The following PPP1R16B variants were observed in gnomAD, a reference collection of about 807,000 sequenced individuals.
PPP1R16B encodes the protein protein phosphatase 1 regulatory subunit 16B, also known as protein phosphatase 1 regulatory inhibitor subunit 16B.
In PPP1R16B, 14 loss-of-function variants were observed where a neutral mutation model predicts 61.7. The ratio of observed to expected loss-of-function variants is 0.23; its 90% CI spans 0.15 to 0.35. The LOEUF is 0.35. Among genes scored for constraint, PPP1R16B ranks in the 10% least tolerant of loss-of-function variants. PPP1R16B has a pLI of 1.00. For missense variants in PPP1R16B, 547 were observed against 752.5 expected, an observed-to-expected ratio of 0.73 and a Z score of 3.19; for synonymous variants, 266 against 305.3, an observed-to-expected ratio of 0.87 and a Z score of 1.34.
chr20:38,857,121 G>A (rs555094094), intron 2 of PPP1R16B, among the ~76,000 whole-genome samples: 8 of 152,282 alleles, frequency 5.3e-5, no homozygotes, highest in Admixed American at 1.3e-4. Flanking sequence ...TCCCCAGGGT[G>A]CACCCACCAC....
chr20:38,911,684 G>A (rs371342511), intron 10 of PPP1R16B, among the ~76,000 whole-genome samples: 15 of 151,536 alleles, frequency 9.9e-5, no homozygotes, highest in Admixed American at 9.8e-4. Context: ...TTACAGGTGC[G>A]TGCCACCACG....
intron 2 of PPP1R16B, among the ~76,000 whole-genome samples, chr20:38,875,757 A>G (rs1029438184): frequency 2.0e-5 from 3 of 151,110 alleles, no homozygotes; most frequent in Non-Finnish European, 4.4e-5. Flanking sequence ...CCGGGGGTAG[A>G]GACAGTGGGG....
intron 1 of PPP1R16B, among the ~76,000 whole-genome samples, chr20:38,817,950 A>T (rs2084749571): frequency 6.6e-6 from 1 of 152,218 alleles, no homozygotes; most frequent in African/African-American, 2.4e-5. Context: ...AGGCTGAGGC[A>T]GGAGAAAGGC....
At position 38,908,142 on chromosome 20, in the gene PPP1R16B, C is replaced by T. The variant is rs2085461296; in HGVS notation, c.1143C>T (p.Thr381=). 1 of 1,614,120 alleles carries T rather than the reference C, an allele frequency of 6.2e-7. No homozygotes were observed. The highest frequency in any genetic ancestry group is 8.5e-7 in the Non-Finnish European group (1 of 1,180,052). The part of the protein sequence containing the change: ...RSAAEDQRTS[T]YNGDIRETRT... ...CAGCTGAGGATCAGCGGACCTCCAC[C>T]TACAACGGGGACATCAGGGAGACCA... The change falls in exon 10 of 11, where the codon ACC becomes ACT. Residue 381 remains threonine (T), a synonymous_variant. Coordinates refer to ENST00000299824, the MANE Select transcript of PPP1R16B (RefSeq NM_015568.4).
intron 1 of PPP1R16B, among the ~76,000 whole-genome samples, chr20:38,813,653 AC>A (rs1200238219): frequency 6.6e-6 from 1 of 151,938 alleles, no homozygotes; most frequent in Non-Finnish European, 1.5e-5. Context: ...AGGGACGGGC[AC>A]CTTTTTCTTA....
chr20:38,891,339 G>T (rs948160625), intron 3 of PPP1R16B, among the ~76,000 whole-genome samples: 1 of 152,168 alleles, frequency 6.6e-6, no homozygotes, highest in African/African-American at 2.4e-5. Context: ...TCATTGGGTG[G>T]TTGTGAGGAT....
chr20:38,843,117 T>A (rs1168667551), intron 2 of PPP1R16B, among the ~76,000 whole-genome samples: 1 of 152,254 alleles, frequency 6.6e-6, no homozygotes, highest in Non-Finnish European at 1.5e-5. Flanking sequence ...ACCTGAGAAC[T>A]CCTAAAAGCT....
At chr20:38,865,088 G>C (rs1601270102) in intron 2 of PPP1R16B, among the ~76,000 whole-genome samples, 1 of 152,084 alleles carries the variant, frequency 6.6e-6, no homozygotes, top group East Asian at 1.9e-4. Context: ...TTTCTGGTTT[G>C]GAGTATGAGG....
Position 38,907,348 on chromosome 20 carries a change from T to C in PPP1R16B, c.898+294T>C, listed in dbSNP as rs919099624. Among the ~76,000 whole-genome samples, 2 of 149,724 alleles carry C rather than the reference T, an allele frequency of 1.3e-5. No homozygotes were observed. The highest frequency in any genetic ancestry group is 3.0e-5 in the Non-Finnish European group (2 of 67,408). ...ATGGATGGATGGATGGATGGATGGA[T>C]AGACAGAAAAATAAGTGGATGAGTG... On this transcript the variant is annotated intron_variant, in intron 8 of 10. Coordinates refer to ENST00000299824, the MANE Select transcript of PPP1R16B (RefSeq NM_015568.4). The surrounding 1 kb of genome is among the most constrained non-coding windows in gnomAD (Gnocchi z 4.5).
At chr20:38,868,534 G>T (rs1420090276) in intron 2 of PPP1R16B, among the ~76,000 whole-genome samples, 3 of 151,986 alleles carry the variant, frequency 2.0e-5, no homozygotes, top group Non-Finnish European at 4.4e-5. Flanking sequence ...ACAGGCACAT[G>T]CCACCTCGCC....
chr20:38,890,035 G>C (rs2085281065), intron 3 of PPP1R16B, among the ~76,000 whole-genome samples: 1 of 152,232 alleles, frequency 6.6e-6, no homozygotes, highest in South Asian at 2.1e-4. Flanking sequence ...CAGTTGGCGG[G>C]ACTTATGTGA....
In PPP1R16B at chr20:38,918,525, C is replaced by T. The variant is rs771181162; in HGVS notation, c.1563C>T (p.Ile521=). 3.5e-5 allele frequency: 56 copies of T among 1,593,558 alleles called. No homozygotes were observed. Among genetic ancestry groups the T allele is most frequent in the East Asian group, 1.3e-4 (6 of 44,650 alleles). ...GCAGTGAAGGCAAGGCCCCCTTGAT[C>T]GGAGGCAGAACTTCACCGTACAGCA... ...ESSSEGKAPL[I]GGRTSPYSSN... The change falls in exon 11 of 11, where the codon ATC becomes ATT. Residue 521 remains isoleucine (I), a synonymous_variant. Coordinates refer to ENST00000299824, the MANE Select transcript of PPP1R16B (RefSeq NM_015568.4). This position sits in a 1 kb window ranked among gnomAD's most constrained non-coding sequence, Gnocchi z 5.3.
intron 3 of PPP1R16B, among the ~76,000 whole-genome samples, chr20:38,894,296 ACCTGGGGCCGTGGGCTTCCACGGCCG>A (rs940952699): frequency 2.0e-4 from 31 of 152,154 alleles, no homozygotes; most frequent in African/African-American, 6.5e-4. Context: ...GCCCACAGCC[ACCTGGGGCCGTGGGCTTCCACGGCCG>A]CTCCTGCTCC....
chr20:38,874,067 A>C (rs1330189161), intron 2 of PPP1R16B, among the ~76,000 whole-genome samples: 2 of 152,058 alleles, frequency 1.3e-5, no homozygotes, highest in Non-Finnish European at 2.9e-5. Context: ...CACAAGGCAC[A>C]CTCCATCCTA....
rs1302672187 is a variant in PPP1R16B, at chr20:38,900,497, G to T, written c.468-84G>T. ...GAGTGCCGGGTTGTACAGTAGGATT[G>T]CAGGCGAGAGGCCAGAGGGCAGAGG... is the stretch of plus-strand genomic sequence containing the variant. On this transcript the variant is annotated intron_variant, in intron 4 of 10. Coordinates refer to ENST00000299824, the MANE Select transcript of PPP1R16B (RefSeq NM_015568.4). 4.9e-6 allele frequency: 5 copies of T among 1,013,584 alleles called. No individual in the cohort carries two copies. The Admixed American group carries it at 1.2e-4, about 25-fold the overall frequency. The allele number at this position is 1,013,584 out of a possible 1,614,324, so 62.8% of individuals were successfully genotyped here. A position where few individuals can be genotyped will look rare whatever the true frequency, so the allele number is the denominator to read the frequency against.
intron 1 of PPP1R16B, among the ~76,000 whole-genome samples, chr20:38,820,733 G>A (rs1270023636): frequency 2.0e-5 from 3 of 151,146 alleles, no homozygotes; most frequent in African/African-American, 7.3e-5. Context: ...GGCATTTTCT[G>A]TCTTAAAAAA....
At chr20:38,861,276 G>T (rs1477915074) in intron 2 of PPP1R16B, among the ~76,000 whole-genome samples, 1 of 152,210 alleles carries the variant, frequency 6.6e-6, no homozygotes, top group Non-Finnish European at 1.5e-5. Flanking sequence ...CTGTCCCAGT[G>T]CTGCACAGCT....
At chr20:38,905,111 A>G (rs903506547) in intron 6 of PPP1R16B, among the ~76,000 whole-genome samples, 1 of 152,226 alleles carries the variant, frequency 6.6e-6, no homozygotes, top group Admixed American at 6.5e-5. Flanking sequence ...CTATTGCTGC[A>G]TAACAAACTA....
At position 38,922,541 on chromosome 20, in the gene PPP1R16B, TC is replaced by T. The variant is rs2085607714; in HGVS notation, c.*3879del. The T allele has an allele frequency of 6.6e-6, 1 of 152,546 alleles. No individual in the cohort carries two copies. The highest frequency in any genetic ancestry group is 1.5e-5 in the Non-Finnish European group (1 of 68,030). 9.4% of individuals were successfully genotyped at this position (152,546 alleles called of 1,614,324 possible). Reference sequence around the variant, plus strand: ...CCCTGTGCCAGAAGCTATAGCCCTCTCCCCAACAGGTCTCTCTTGTTGGCCA... The same window carrying T: ...CCCTGTGCCAGAAGCTATAGCCCTCTCCCAACAGGTCTCTCTTGTTGGCCA... On this transcript the variant is annotated 3_prime_UTR_variant, in exon 11 of 11. Transcript: ENST00000299824.
Sources: allele counts gnomAD v4.1 joint callset (sites outside exome capture counted in the v4.1 genomes callset), GRCh38; gene constraint gnomAD v4.1.1; non-coding constraint Gnocchi (gnomAD v3.1); transcripts MANE v1.5; gene names NCBI Gene and HGNC (gene_info 2026-07-23, HGNC 2026-07-21).